Variants in SBF2 observed in about 807,000 individuals in gnomAD.
SBF2 encodes the protein myotubularin-related protein 13.
In SBF2, 112 loss-of-function variants were observed where a neutral mutation model predicts 225.2. The ratio of observed to expected loss-of-function variants is 0.50; its 90% CI spans 0.43 to 0.58. The LOEUF (loss-of-function observed/expected upper bound fraction) is 0.58. Among genes scored for constraint, SBF2 ranks in the 20% least tolerant of loss-of-function variants. The pLI is 0.00. For synonymous variants in SBF2, 763 were observed against 773.3 expected (o/e 0.99, Z 0.22); for missense variants, 1,996 against 2,206.2 (o/e 0.90, Z 1.91).
intron 32 of SBF2, among the ~76,000 whole-genome samples, chr11:9,802,364 C>A (rs780225550): frequency 6.6e-6 from 1 of 152,138 alleles, no homozygotes; most frequent in African/African-American, 2.4e-5. Context: ...GATATACTGG[C>A]GTAAACAATG....
intron 6 of SBF2, among the ~76,000 whole-genome samples, chr11:10,021,029 A>G (rs1013164327): frequency 6.6e-6 from 1 of 152,184 alleles, no homozygotes; most frequent in African/African-American, 2.4e-5. Context: ...GAAAGCATGC[A>G]TAGAAAAAGG....
At chr11:10,297,988 A>G (rs1964563708), upstream of SBF2, among the ~76,000 whole-genome samples, 1 of 152,268 alleles carries the variant, frequency 6.6e-6, no homozygotes, top group Non-Finnish European at 1.5e-5. Flanking sequence ...AGAGAGAGTA[A>G]AGCAAGCCCA....
At chr11:10,256,142 A>C (rs964662021) in intron 1 of SBF2, among the ~76,000 whole-genome samples, 1 of 152,200 alleles carries the variant, frequency 6.6e-6, no homozygotes, top group African/African-American at 2.4e-5. Context: ...AAATCTCCAC[A>C]ATCAGGCTTC....
At chr11:9,787,357 C>G (rs1028197264) in intron 36 of SBF2, among the ~76,000 whole-genome samples, 9 of 152,160 alleles carry the variant, frequency 5.9e-5, no homozygotes, top group African/African-American at 2.2e-4. Context: ...GCTGAAACCA[C>G]ACGGGCACTG....
At chr11:10,126,472 G>A (rs1290622468) in intron 2 of SBF2, among the ~76,000 whole-genome samples, 1 of 152,080 alleles carries the variant, frequency 6.6e-6, no homozygotes, top group Non-Finnish European at 1.5e-5. Context: ...AAGGGAACAA[G>A]CCAGATGACT....
At chr11:10,116,241 T>C (rs1487043425) in intron 2 of SBF2, among the ~76,000 whole-genome samples, 1 of 152,214 alleles carries the variant, frequency 6.6e-6, no homozygotes. Flanking sequence ...CATTTGTATG[T>C]CATTGTGACT....
rs1859857202 is a variant in SBF2, at chr11:9,882,533, GCA to G, written c.1929+13408_1929+13409del. Among the ~76,000 whole-genome samples, 11 of 152,230 alleles carry G rather than the reference GCA, an allele frequency of 7.2e-5. No homozygotes were observed. In the South Asian group the frequency reaches 1.9e-3, roughly 26 times the overall value. ...TGCTTAAACATAACTTCTCGGCCGG[GCA>G]TGGTGGCTCATGTCTGTAATCCCAG... On this transcript the variant is annotated intron_variant, in intron 17 of 39. Transcript: ENST00000256190.
chr11:9,808,970 T>TA lies in SBF2; in HGVS notation c.4187dup (p.Ser1397IlefsTer5), dbSNP rs776306054. 1 of 1,614,040 alleles carries TA rather than the reference T, an allele frequency of 6.2e-7. No homozygotes were observed. The highest frequency in any genetic ancestry group is 8.5e-7 in the Non-Finnish European group (1 of 1,179,918). Reference sequence around the variant, plus strand: ...AGGAACCATTCTCAAGTACTTCTGATACAACCACAGCCAGCTGCATTATCC... The same window carrying TA: ...AGGAACCATTCTCAAGTACTTCTGATAACAACCACAGCCAGCTGCATTATCC... On this transcript the variant is annotated frameshift_variant, in exon 31 of 40. Coordinates refer to ENST00000256190, the MANE Select transcript of SBF2 (RefSeq NM_030962.4). LOFTEE classifies it high-confidence loss of function.
intron 9 of SBF2, 50 bp from the exon 10 acceptor site, chr11:9,994,048 C>A (rs746174171): frequency 6.3e-6 from 7 of 1,110,630 alleles, no homozygotes; most frequent in African/African-American, 1.5e-5. Flanking sequence ...TCAATGAAAT[C>A]TATTATTGAG....
chr11:9,878,318 A>T (rs932569327), intron 17 of SBF2, among the ~76,000 whole-genome samples: 1 of 152,198 alleles, frequency 6.6e-6, no homozygotes, highest in Non-Finnish European at 1.5e-5. Context: ...AGCAGATTGC[A>T]AAAATTTCCT....
intron 1 of SBF2, among the ~76,000 whole-genome samples, chr11:10,231,937 G>A (rs1363126809): frequency 6.6e-6 from 1 of 152,230 alleles, no homozygotes; most frequent in Non-Finnish European, 1.5e-5. Flanking sequence ...AGGCGTCCTT[G>A]AGCTGTGGTG....
chr11:9,971,220 G>A (rs894114157), intron 13 of SBF2, among the ~76,000 whole-genome samples: 8 of 151,402 alleles, frequency 5.3e-5, no homozygotes, highest in African/African-American at 1.9e-4. Context: ...TATTTCCCAT[G>A]AAGTAAATAT....
intron 38 of SBF2, 89 bp downstream of exon 38, chr11:9,784,262 G>C (rs1852220848): frequency 2.0e-6 from 2 of 977,476 alleles, no homozygotes; most frequent in African/African-American, 1.6e-5. Context: ...TGTACATGAG[G>C]AATCTATCTG....
chr11:10,085,972 C>A (rs1171374794), intron 2 of SBF2, among the ~76,000 whole-genome samples: 1 of 98,018 alleles, frequency 1.0e-5, no homozygotes, highest in Non-Finnish European at 1.8e-5. Flanking sequence ...CCCCCCACCC[C>A]CCACCCCAGG....
At chr11:9,968,614 T>C in intron 13 of SBF2, 69 bp from the exon 14 acceptor site, 1 of 1,296,782 alleles carries the variant, frequency 7.7e-7, no homozygotes, top group Non-Finnish European at 1.1e-6. Flanking sequence ...AGGAAGGGAG[T>C]GGGAGCTTAC....
At chr11:10,304,728 T>G (rs1964633039) in exon 1 of SBF2, 1 of 152,374 alleles carries the variant, frequency 6.6e-6, no homozygotes, top group South Asian at 2.1e-4. Flanking sequence ...GCCAGGAGGC[T>G]TTGCACTCCG....
At chr11:9,904,646 G>A (rs1274927722) in intron 16 of SBF2, among the ~76,000 whole-genome samples, 1 of 152,154 alleles carries the variant, frequency 6.6e-6, no homozygotes, top group Admixed American at 6.6e-5. Context: ...AAACTTGCTT[G>A]CTCTAATGGA....
chr11:10,104,588 C>T (rs779521872), intron 2 of SBF2, among the ~76,000 whole-genome samples: 6 of 152,146 alleles, frequency 3.9e-5, no homozygotes, highest in Non-Finnish European at 7.4e-5. Context: ...GTGCTAAGAG[C>T]TGAAACTGAC....
At chr11:9,808,836 G>A in intron 31 of SBF2, 65 bp downstream of exon 31, 1 of 1,216,706 alleles carries the variant, frequency 8.2e-7, no homozygotes, top group Non-Finnish European at 1.2e-6. Context: ...GTCATCTGAA[G>A]AATTTAAAAA....
Sources: gnomAD v4.1 joint callset for allele counts (sites outside exome capture counted in the v4.1 genomes callset) on GRCh38, gnomAD v4.1.1 for gene constraint, MANE v1.5 for transcripts, NCBI Gene and HGNC (gene_info 2026-07-23, HGNC 2026-07-21) for gene names.